DYM: variants seen among roughly 807,000 people sequenced by gnomAD.
The protein encoded by DYM is dyggve-Melchior-Clausen syndrome protein.
Under a neutral mutation model 93.1 loss-of-function variants are expected in DYM, and 78 were observed. The observed-to-expected ratio is 0.84, with a 90% CI of 0.70 to 1.01. The LOEUF (loss-of-function observed/expected upper bound fraction) is 1.01. Among genes scored for constraint, DYM ranks in the 50% least tolerant of loss-of-function variants. DYM has a pLI of 0.00. For synonymous variants in DYM, 321 were observed against 319.7 expected (o/e 1.00, Z -0.04); for missense variants, 789 against 845.0 (o/e 0.93, Z 0.82).
chr18:49,231,606 C>T (rs1367555562), intron 13 of DYM, among the ~76,000 whole-genome samples: 1 of 152,208 alleles, frequency 6.6e-6, no homozygotes, highest in Non-Finnish European at 1.5e-5. Context: ...GTGAAAGATA[C>T]TGAAATACAT....
intron 11 of DYM, among the ~76,000 whole-genome samples, chr18:49,259,354 T>C (rs137914414): frequency 6.8e-4 from 103 of 152,318 alleles, no homozygotes; most frequent in African/African-American, 2.3e-3. Flanking sequence ...CTCTTCTAAT[T>C]ACCAGTGCAC....
At chr18:49,230,318 G>C (rs1385645036) in intron 13 of DYM, among the ~76,000 whole-genome samples, 1 of 152,158 alleles carries the variant, frequency 6.6e-6, no homozygotes. Context: ...TAGATTTTAA[G>C]CTCAATTCTA....
chr18:49,323,644 T>C (rs933954489), intron 8 of DYM, among the ~76,000 whole-genome samples: 1 of 151,988 alleles, frequency 6.6e-6, no homozygotes, highest in African/African-American at 2.4e-5. Context: ...AGGAATAGGG[T>C]TCTACACCAA....
At chr18:49,182,670 CT>C (rs1259773646) in intron 14 of DYM, among the ~76,000 whole-genome samples, 2 of 152,004 alleles carry the variant, frequency 1.3e-5, no homozygotes, top group African/African-American at 4.8e-5. Context: ...CCTATTGATT[CT>C]TTTTTTCCCC....
intron 8 of DYM, among the ~76,000 whole-genome samples, chr18:49,303,662 G>GGTAC (rs1329159062): frequency 2.0e-5 from 3 of 152,202 alleles, no homozygotes; most frequent in African/African-American, 7.2e-5. Flanking sequence ...ACATGACAGT[G>GGTAC]CTTCCCACAG....
At chr18:49,337,024 G>A (rs1222730899) in intron 6 of DYM, among the ~76,000 whole-genome samples, 2 of 152,108 alleles carry the variant, frequency 1.3e-5, no homozygotes, top group African/African-American at 2.4e-5. Context: ...GGTACTCAAT[G>A]GATAAATAAA....
chr18:49,126,372 C>G (rs1338174723), intron 15 of DYM: 1 of 152,216 alleles, frequency 6.6e-6, no homozygotes, highest in Non-Finnish European at 1.5e-5. Flanking sequence ...CTAAGGAAAA[C>G]TATCTCAACA....
intron 8 of DYM, among the ~76,000 whole-genome samples, chr18:49,318,090 C>T (rs879520536): frequency 6.6e-6 from 1 of 152,102 alleles, no homozygotes; most frequent in Non-Finnish European, 1.5e-5. Context: ...CACCTGATAC[C>T]CCACACCCTT....
chr18:49,338,192 A>T (rs913177982), intron 6 of DYM, among the ~76,000 whole-genome samples: 1 of 152,218 alleles, frequency 6.6e-6, no homozygotes, highest in Non-Finnish European at 1.5e-5. Flanking sequence ...AGGTTATCAA[A>T]AACAAAACAG....
intron 6 of DYM, among the ~76,000 whole-genome samples, chr18:49,341,368 T>C (rs576814283): frequency 1.6e-4 from 24 of 152,156 alleles, no homozygotes; most frequent in Admixed American, 1.3e-3. Context: ...GGCAGGCACC[T>C]GTAGTCCCAG....
chr18:49,188,564 T>A (rs910995310), intron 14 of DYM, among the ~76,000 whole-genome samples: 4 of 152,110 alleles, frequency 2.6e-5, no homozygotes, highest in African/African-American at 9.7e-5. Flanking sequence ...CTGGAAACCA[T>A]CATTCTCAGC....
chr18:49,097,858 T>C (rs1445051143), intron 16 of DYM, among the ~76,000 whole-genome samples: 1 of 148,032 alleles, frequency 6.8e-6, no homozygotes, highest in East Asian at 2.0e-4. Context: ...CCTATCACTT[T>C]TGAAGCTTAA....
intron 8 of DYM, among the ~76,000 whole-genome samples, chr18:49,287,582 C>T (rs1416869747): frequency 2.6e-5 from 4 of 151,654 alleles, no homozygotes; most frequent in Non-Finnish European, 5.9e-5. Flanking sequence ...TATTCTGGTC[C>T]ACTTAGAAAT....
chr18:49,179,201 T>G (rs2089680745), intron 14 of DYM, among the ~76,000 whole-genome samples: 1 of 152,160 alleles, frequency 6.6e-6, no homozygotes, highest in Admixed American at 6.6e-5. Flanking sequence ...TGCCTTCATG[T>G]ATGAGACTAT....
At chr18:49,363,506 A>C (rs1599688981) in intron 5 of DYM, among the ~76,000 whole-genome samples, 1 of 152,344 alleles carries the variant, frequency 6.6e-6, no homozygotes, top group Non-Finnish European at 1.5e-5. Flanking sequence ...AGTAGTTGTC[A>C]GATTTCTTAT....
intron 5 of DYM, among the ~76,000 whole-genome samples, chr18:49,370,354 C>A (rs1438770832): frequency 6.6e-6 from 1 of 151,976 alleles, no homozygotes; most frequent in Non-Finnish European, 1.5e-5. Flanking sequence ...TCCTACTTCC[C>A]TGGACCTTCC....
At chr18:49,340,052 G>A (rs560789991) in intron 6 of DYM, among the ~76,000 whole-genome samples, 67 of 152,176 alleles carry the variant, frequency 4.4e-4, no homozygotes, top group African/African-American at 1.4e-3. Context: ...CTGGATTCAC[G>A]CCGTTCTCCT....
intron 2 of DYM, among the ~76,000 whole-genome samples, chr18:49,415,725 C>T (rs548708845): frequency 1.6e-4 from 24 of 151,818 alleles, no homozygotes; most frequent in South Asian, 4.2e-4. Context: ...GCCAGGAGTT[C>T]GAGACCAGCC....
chr18:49,193,650 C>A (rs546265225), intron 14 of DYM, among the ~76,000 whole-genome samples: 65 of 152,284 alleles, frequency 4.3e-4, no homozygotes, highest in African/African-American at 1.5e-3. Flanking sequence ...TCACTAAGCA[C>A]ATGTGTGGTG....
Sources: allele counts gnomAD v4.1 joint callset (sites outside exome capture counted in the v4.1 genomes callset), GRCh38; gene constraint gnomAD v4.1.1; transcripts MANE v1.5; gene names NCBI Gene and HGNC (gene_info 2026-07-23, HGNC 2026-07-21).